The following H1-8 variants were observed in gnomAD, a reference collection of about 807,000 sequenced individuals.
H1-8 encodes the protein H1.8 linker histone.
Under a neutral mutation model 19.5 loss-of-function variants are expected in H1-8, and 13 were observed. The ratio of observed to expected loss-of-function variants is 0.67; its 90% CI spans 0.43 to 1.06. The LOEUF (loss-of-function observed/expected upper bound fraction) is 1.06, where lower values mean the gene tolerates loss of function less well. Ranked by LOEUF, H1-8 falls within the 50% of genes least tolerant of loss-of-function variation. The pLI, the probability that H1-8 is intolerant of heterozygous loss-of-function variation, is 0.00. For missense variants in H1-8, 432 were observed against 459.8 expected (o/e 0.94, Z 0.55); for synonymous variants, 193 against 187.6 (o/e 1.03, Z -0.24).
In H1-8 at chr3:129,547,405, G is replaced by A. The variant is rs1475893054; in HGVS notation, c.103G>A (p.Gly35Ser). The change falls in exon 2 of 5, where the codon GGT becomes AGT. Residue 35 changes from glycine (G) to serine (S), a missense_variant. Physicochemically the swap from Gly to Ser is moderately conservative, Grantham distance 56 (BLOSUM62 0). Transcript: ENST00000324382. ...ESEKPGPSHG[G>S]VPPGGPSHSS... ...TCTCTCCTCAGGCCCGAGCCACGGC[G>A]GTGTCCCACCAGGAGGCCCGAGCCA... is the stretch of plus-strand genomic sequence containing the variant. 3.2e-5 allele frequency: 49 copies of A among 1,508,258 alleles called. No homozygotes were observed. The highest frequency in any genetic ancestry group is 1.3e-4 in the Admixed American group (5 of 39,796). The allele number at this position is 1,508,258 out of a possible 1,614,324, so 93.4% of individuals were successfully genotyped here.
intron 1 of H1-8, among the ~76,000 whole-genome samples, chr3:129,544,929 A>G (rs775920496): frequency 3.3e-5 from 5 of 152,016 alleles, no homozygotes; most frequent in Admixed American, 2.6e-4. Flanking sequence ...CCCCAAATGA[A>G]TATTCCCACA....
At chr3:129,551,018 A>G in intron 4 of H1-8, 89 bp from the exon 5 acceptor site, 1 of 1,202,436 alleles carries the variant, frequency 8.3e-7, no homozygotes, top group Non-Finnish European at 1.2e-6. Flanking sequence ...TAAGGCTTAG[A>G]AGGGCGATGT....
chr3:129,544,482 C>A (rs1016252022), intron 1 of H1-8, among the ~76,000 whole-genome samples: 3 of 150,968 alleles, frequency 2.0e-5, no homozygotes, highest in African/African-American at 7.3e-5. Context: ...GGAAAGGGCC[C>A]AGAATGCCCC....
At chr3:129,548,011 C>T (rs1167018023) in intron 2 of H1-8, among the ~76,000 whole-genome samples, 1 of 152,210 alleles carries the variant, frequency 6.6e-6, no homozygotes, top group East Asian at 1.9e-4. Flanking sequence ...TTTCCCTCTG[C>T]TGGCACCTCC....
rs370825783 is a variant in H1-8 at position 129,543,208 on chromosome 3, C to T, written c.-11C>T. Reference sequence around the variant, plus strand: ...CGGGTGAGGGGTCTGCTGGCTGCACCTGTCGGTCTCATGGCTCCTGGGAGC... The same window carrying T: ...CGGGTGAGGGGTCTGCTGGCTGCACTTGTCGGTCTCATGGCTCCTGGGAGC... On this transcript the variant is annotated 5_prime_UTR_variant, in exon 1 of 5. Coordinates refer to ENST00000324382, the MANE Select transcript of H1-8 (RefSeq NM_153833.3). The T allele has an allele frequency of 1.9e-6, 3 of 1,609,658 alleles. No individual in the cohort carries two copies. The highest frequency in any genetic ancestry group is 1.1e-5 in the South Asian group (1 of 90,404).
Position 129,550,794 on chromosome 3 carries a change from A to C in H1-8, c.792A>C (p.Lys264Asn). The C allele has an allele frequency of 6.2e-7, 1 of 1,613,508 alleles. No homozygotes were observed. Among genetic ancestry groups the C allele is most frequent in the Non-Finnish European group, 8.5e-7 (1 of 1,179,722 alleles). The stretch of plus-strand genomic sequence containing the variant: ...CCAAAGCTGAGAGTAAGAGTTCAAA[A>C]CCCACGGCCAGCAAGGTAGGTGCCT... ...RKTKAESKSS[K>N]PTASKVKNGA... The change falls in exon 4 of 5, where the codon AAA becomes AAC. Residue 264 changes from lysine to asparagine, a missense_variant. Coordinates refer to ENST00000324382, the MANE Select transcript of H1-8 (RefSeq NM_153833.3).
At chr3:129,548,094 G>T (rs938988092) in intron 2 of H1-8, among the ~76,000 whole-genome samples, 1 of 152,170 alleles carries the variant, frequency 6.6e-6, no homozygotes, top group Non-Finnish European at 1.5e-5. Flanking sequence ...GGGGACCCAT[G>T]CCAGGTCACT....
At chr3:129,548,341 T>C in intron 2 of H1-8, 1 of 985,946 alleles carries the variant, frequency 1.0e-6, no homozygotes, top group South Asian at 4.7e-5. Flanking sequence ...TCACAGAAAG[T>C]CCCACCCTGG....
rs776732123 is a variant in H1-8 at position 129,547,586 on chromosome 3, AC to A, written c.286del (p.Leu96CysfsTer2). Reference protein sequence around the residue: ...YPTVDVLRFKYLLKQALATGM... With the variant: ...YPTVDVLRFKXLLKQALATGM... The stretch of plus-strand genomic sequence containing the variant: ...ACAGTGGACGTCCTCCGCTTCAAGT[AC>A]CTGCTGAAGCAGGCGCTGGCCACTG... On this transcript the variant is annotated frameshift_variant, in exon 2 of 5. Transcript: ENST00000324382. LOFTEE classifies it high-confidence loss of function. 31 of 1,560,812 alleles carry A rather than the reference AC, an allele frequency of 2.0e-5. No homozygotes were observed. The highest frequency in any genetic ancestry group is 2.6e-5 in the Non-Finnish European group (30 of 1,152,836).
At chr3:129,546,970 C>T (rs538623054) in intron 1 of H1-8, among the ~76,000 whole-genome samples, 2 of 152,126 alleles carry the variant, frequency 1.3e-5, no homozygotes, top group Non-Finnish European at 2.9e-5. Flanking sequence ...GAGGCCGAGG[C>T]GGGTGGGTCA....
intron 3 of H1-8, among the ~76,000 whole-genome samples, chr3:129,549,909 G>A (rs56316914): frequency 0.033 from 5,092 of 152,100 alleles, 263 homozygotes; most frequent in African/African-American, 0.12. Context: ...AGCCGAGATC[G>A]CACCACTGTA....
Position 129,547,507 on chromosome 3 carries a change from C to A in H1-8, c.205C>A (p.Arg69Ser), listed in dbSNP as rs554643419. 6.4e-7 allele frequency: 1 copy of A among 1,567,984 alleles called. No homozygotes were observed. The highest frequency in any genetic ancestry group is 8.6e-7 in the Non-Finnish European group (1 of 1,156,914). The change falls in exon 2 of 5, where the codon CGC becomes AGC. Residue 69 changes from arginine (R) to serine (S), a missense_variant. Arg to Ser is a moderately radical substitution (Grantham distance 110). Transcript: ENST00000324382. ...VLEALQAGEQRRGTSVAAIKL... is the reference protein window; with the variant it reads ...VLEALQAGEQSRGTSVAAIKL... ...GGAGGCGCTGCAGGCTGGGGAGCAG[C>A]GCCGGGGCACGTCGGTGGCAGCTAT...
intron 2 of H1-8, 96 bp downstream of exon 2, chr3:129,547,776 G>T (rs778023950): frequency 1.7e-6 from 2 of 1,149,436 alleles, no homozygotes; most frequent in Non-Finnish European, 1.2e-6. Context: ...TTTCCCCTCC[G>T]GTCCCCTGTC....
chr3:129,544,347 C>T (rs2084872683), intron 1 of H1-8, among the ~76,000 whole-genome samples: 1 of 151,058 alleles, frequency 6.6e-6, no homozygotes, highest in South Asian at 2.1e-4. Flanking sequence ...TGAGATACAG[C>T]GAGGAGAATG....
At chr3:129,549,974 G>C (rs2084921919) in intron 3 of H1-8, among the ~76,000 whole-genome samples, 1 of 152,080 alleles carries the variant, frequency 6.6e-6, no homozygotes, top group African/African-American at 2.4e-5. Context: ...ACAAAAAGAA[G>C]GTGGAGTATT....
intron 1 of H1-8, 88 bp downstream of exon 1, chr3:129,543,394 TC>T: frequency 3.0e-6 from 3 of 983,852 alleles, no homozygotes; most frequent in Non-Finnish European, 4.7e-6. Flanking sequence ...TCTCGTTCTT[TC>T]CCAGCCTGGC....
intron 1 of H1-8, among the ~76,000 whole-genome samples, chr3:129,543,546 G>C (rs1472354455): frequency 6.6e-6 from 1 of 152,248 alleles, no homozygotes; most frequent in Non-Finnish European, 1.5e-5. Context: ...CTGGGGGCTG[G>C]GGCCGGCCTC....
chr3:129,551,450 G>C lies in H1-8; in HGVS notation c.*110G>C, dbSNP rs749983882. The C allele has an allele frequency of 1.3e-6, 1 of 784,836 alleles. No individual in the cohort carries two copies. The allele number at this position is 784,836 out of a possible 1,614,324, so 48.6% of individuals were successfully genotyped here. On this transcript the variant is annotated 3_prime_UTR_variant, in exon 5 of 5. Coordinates refer to ENST00000324382, the MANE Select transcript of H1-8 (RefSeq NM_153833.3). ...AAGCTATTTATCAATAAAGACTTTT[G>C]TTTCTTTTTCCTCACAATTGGTGTG...
chr3:129,549,945 CT>C (rs1473017145), intron 3 of H1-8, among the ~76,000 whole-genome samples: 1 of 151,596 alleles, frequency 6.6e-6, no homozygotes, highest in African/African-American at 2.4e-5. Flanking sequence ...CAGAGTGACA[CT>C]CAGTCTCAAA....
Sources: allele counts gnomAD v4.1 joint callset (sites outside exome capture counted in the v4.1 genomes callset), GRCh38; gene constraint gnomAD v4.1.1; transcripts MANE v1.5; gene names NCBI Gene and HGNC (gene_info 2026-07-23, HGNC 2026-07-21).